CERS6: variants seen among roughly 807,000 people sequenced by gnomAD.
CERS6 encodes LAG1 homolog, ceramide synthase 6.
CERS6 carries 26 observed loss-of-function variants against 56.8 expected under a neutral mutation model. The observed-to-expected ratio is 0.46, with a 90% CI of 0.34 to 0.63. The LOEUF is 0.63. Ranked by LOEUF, CERS6 falls within the 30% of genes least tolerant of loss-of-function variation. The pLI is 0.01. For missense variants in CERS6, 415 were observed against 467.5 expected, an observed-to-expected ratio of 0.89 and a Z score of 1.04; for synonymous variants, 164 against 173.3, an observed-to-expected ratio of 0.95 and a Z score of 0.42.
intron 2 of CERS6, among the ~76,000 whole-genome samples, chr2:168,551,950 A>G (rs1695580827): frequency 6.6e-6 from 1 of 152,226 alleles, no homozygotes; most frequent in African/African-American, 2.4e-5. Context: ...CATACCTATG[A>G]TACTAACTAC....
chr2:168,612,431 G>A (rs897033910), intron 3 of CERS6, among the ~76,000 whole-genome samples: 11 of 152,204 alleles, frequency 7.2e-5, no homozygotes, highest in Non-Finnish European at 1.0e-4. Flanking sequence ...AGAGAAAACC[G>A]CAGGAGGATC....
chr2:168,497,196 T>C (rs1445855176), intron 1 of CERS6, among the ~76,000 whole-genome samples: 1 of 152,142 alleles, frequency 6.6e-6, no homozygotes, highest in African/African-American at 2.4e-5. Flanking sequence ...ATATTCAAAG[T>C]ATAATGGTGG....
chr2:168,560,399 AT>A (rs1483142404), intron 2 of CERS6, among the ~76,000 whole-genome samples: 1 of 152,200 alleles, frequency 6.6e-6, no homozygotes, highest in Non-Finnish European at 1.5e-5. Context: ...TTGCAATATA[AT>A]TTAGGTTGGT....
intron 6 of CERS6, among the ~76,000 whole-genome samples, chr2:168,710,478 AG>A (rs1687062955): frequency 2.0e-5 from 3 of 152,328 alleles, no homozygotes; most frequent in African/African-American, 7.2e-5. Flanking sequence ...TGAATTAAGC[AG>A]TGTGTGTTTT....
chr2:168,608,052 T>C (rs1033560103), intron 3 of CERS6, among the ~76,000 whole-genome samples: 4 of 152,234 alleles, frequency 2.6e-5, no homozygotes, highest in African/African-American at 7.2e-5. Flanking sequence ...TTCACTCCCT[T>C]GTACTCCCAG....
intron 3 of CERS6, among the ~76,000 whole-genome samples, chr2:168,612,207 G>T (rs1471156638): frequency 6.6e-6 from 1 of 152,182 alleles, no homozygotes; most frequent in African/African-American, 2.4e-5. Context: ...AACAGACTGT[G>T]TGAAATTGTG....
intron 9 of CERS6, among the ~76,000 whole-genome samples, chr2:168,768,344 C>G (rs886355891): frequency 1.3e-5 from 2 of 151,884 alleles, no homozygotes; most frequent in Admixed American, 1.3e-4. Flanking sequence ...ATTCTCCTGC[C>G]TCAGCCTCCA....
intron 4 of CERS6, among the ~76,000 whole-genome samples, chr2:168,645,177 A>AGAGAGAGAGAGT (rs1685163832): frequency 7.8e-6 from 1 of 128,238 alleles, no homozygotes; most frequent in African/African-American, 3.0e-5. Flanking sequence ...AGAGAGAGAG[A>AGAGAGAGAGAGT]GAGAGAGAGA....
At chr2:168,467,226 A>G (rs1008251100) in intron 1 of CERS6, among the ~76,000 whole-genome samples, 2 of 152,250 alleles carry the variant, frequency 1.3e-5, no homozygotes, top group Admixed American at 6.5e-5. Context: ...CAGTTTGGCA[A>G]GTATCAGAGT....
At chr2:168,489,817 A>T (rs1024312187) in intron 1 of CERS6, among the ~76,000 whole-genome samples, 2 of 152,024 alleles carry the variant, frequency 1.3e-5, no homozygotes, top group African/African-American at 4.8e-5. Context: ...TGGGTTTCTC[A>T]GAGTTGGAAT....
At chr2:168,752,834 T>C (rs1028181562) in intron 8 of CERS6, among the ~76,000 whole-genome samples, 1 of 152,238 alleles carries the variant, frequency 6.6e-6, no homozygotes, top group African/African-American at 2.4e-5. Flanking sequence ...GTATGTTTTT[T>C]TCTTGTTTTC....
intron 4 of CERS6, among the ~76,000 whole-genome samples, chr2:168,658,478 C>T: frequency 6.6e-6 from 1 of 152,210 alleles, no homozygotes; most frequent in East Asian, 1.9e-4. Flanking sequence ...GTGCCAGGCT[C>T]CTGACCCTCC....
rs34492119 is a variant in CERS6 at position 168,484,167 on chromosome 2, G to GTTTT, written c.170+27577_170+27580dup. 2.3e-3 allele frequency among the ~76,000 whole-genome samples: 121 copies of GTTTT among 51,620 alleles called. 8 individuals are homozygous for GTTTT. Among genetic ancestry groups the GTTTT allele is most frequent in the East Asian group, 3.6e-3 (7 of 1,922 alleles). The allele number at this position is 51,620 out of a possible 152,430, so 33.9% of individuals were successfully genotyped here. On this transcript the variant is annotated intron_variant, in intron 1 of 9. Transcript: ENST00000305747. The stretch of plus-strand genomic sequence containing the variant: ...TTTTCTTTTTCTTTTTCTTTTTTCT[G>GTTTT]TTTTTTTTTTTTTTTTTTTTTTTTT...
rs2105475534 is a variant in CERS6, at chr2:168,772,194, T to TAA, written c.*2532_*2533insAA. 1 of 152,342 alleles carries TAA rather than the reference T, an allele frequency of 6.6e-6. No homozygotes were observed. The highest frequency in any genetic ancestry group is 6.5e-5 in the Admixed American group (1 of 15,302). 9.4% of individuals were successfully genotyped at this position (152,342 alleles called of 1,614,324 possible). On this transcript the variant is annotated 3_prime_UTR_variant, in exon 10 of 10. Coordinates refer to ENST00000305747, the MANE Select transcript of CERS6 (RefSeq NM_203463.3). The stretch of plus-strand genomic sequence containing the variant: ...AACTATAGGTTAGTCAGAATGCTGT[T>TAA]TTTCGTTAATTAACTTAGCCTGTGT...
chr2:168,582,568 T>A (rs1360059238), intron 3 of CERS6, among the ~76,000 whole-genome samples: 2 of 152,062 alleles, frequency 1.3e-5, no homozygotes, highest in Non-Finnish European at 2.9e-5. Context: ...AACTATCATC[T>A]AGTACTGAAA....
chr2:168,627,461 A>G (rs1684615688), intron 3 of CERS6, among the ~76,000 whole-genome samples: 1 of 152,190 alleles, frequency 6.6e-6, no homozygotes, highest in Admixed American at 6.5e-5. Flanking sequence ...TGCAAATGAG[A>G]GGAAGTTTGC....
At chr2:168,726,522 C>T (rs1049960558) in intron 8 of CERS6, among the ~76,000 whole-genome samples, 5 of 152,146 alleles carry the variant, frequency 3.3e-5, no homozygotes, top group African/African-American at 1.2e-4. Context: ...CACAAAGATG[C>T]TGAAAGAGAA....
chr2:168,574,370 TTGTGTGTGTGTGTGTGTGTGTGTG>T (rs59913751), intron 3 of CERS6, among the ~76,000 whole-genome samples: 3 of 148,680 alleles, frequency 2.0e-5, no homozygotes, highest in Non-Finnish European at 4.5e-5. Context: ...TCAATAAGTT[TTGTGTGTGTGTGTGTGTGTGTGTG>T]TGTGTGTGTG....
rs141760273 is a variant in CERS6, at chr2:168,729,293, T to C, written c.845+11315T>C. Reference sequence around the variant, plus strand: ...GTATTTGACCAGGCATCTCACTTACTTGAGAGAACTGATGTTTTATGGAAA... The same window carrying C: ...GTATTTGACCAGGCATCTCACTTACCTGAGAGAACTGATGTTTTATGGAAA... On this transcript the variant is annotated intron_variant, in intron 8 of 9. Coordinates refer to ENST00000305747, the MANE Select transcript of CERS6 (RefSeq NM_203463.3). 3.3e-5 allele frequency among the ~76,000 whole-genome samples: 5 copies of C among 152,294 alleles called. No homozygotes were observed. In the East Asian group the frequency reaches 5.8e-4, roughly 18 times the overall value.
Sources: gnomAD v4.1 joint callset for allele counts (sites outside exome capture counted in the v4.1 genomes callset) on GRCh38, gnomAD v4.1.1 for gene constraint, MANE v1.5 for transcripts, NCBI Gene and HGNC (gene_info 2026-07-23, HGNC 2026-07-21) for gene names.